GRK5: variants seen among roughly 807,000 people sequenced by gnomAD.
GRK5 encodes G protein-coupled receptor kinase 5, also known as g protein-coupled receptor kinase GRK5.
GRK5 carries 40 observed loss-of-function variants against 78.4 expected under a neutral mutation model. That is an observed-to-expected ratio of 0.51 (90% CI 0.40 to 0.66). The LOEUF (loss-of-function observed/expected upper bound fraction) is 0.66. Ranked by LOEUF, GRK5 falls within the 30% of genes least tolerant of loss-of-function variation. The pLI is 0.00. For missense variants in GRK5, 598 were observed against 759.9 expected, an observed-to-expected ratio of 0.79 and a Z score of 2.50; for synonymous variants, 289 against 296.8, an observed-to-expected ratio of 0.97 and a Z score of 0.27.
intron 1 of GRK5, among the ~76,000 whole-genome samples, chr10:119,295,614 C>G (rs1178884691): frequency 6.6e-6 from 1 of 152,050 alleles, no homozygotes; most frequent in Non-Finnish European, 1.5e-5. Flanking sequence ...TGATGGAATA[C>G]TACTCAGCCA....
chr10:119,275,481 A>C (rs907409878), intron 1 of GRK5, among the ~76,000 whole-genome samples: 1 of 152,222 alleles, frequency 6.6e-6, no homozygotes, highest in Non-Finnish European at 1.5e-5. Flanking sequence ...GAATTGATAC[A>C]GAGGAAGAAA....
At chr10:119,342,543 C>T (rs377023449) in intron 2 of GRK5, among the ~76,000 whole-genome samples, 19 of 152,272 alleles carry the variant, frequency 1.2e-4, no homozygotes, top group Non-Finnish European at 2.4e-4. Flanking sequence ...TCTGCTTTCC[C>T]GTCTTCCTCT....
In GRK5 at chr10:119,217,234, C is replaced by CAAA. The variant is rs1848589786; in HGVS notation, c.52+9265_52+9266insAAA. ...GGCAAATTGGGAATATAATTTCTGT[C>CAAA]TCAGACCGTGATTTCAGCTGAGGGC... On this transcript the variant is annotated intron_variant, in intron 1 of 15. Transcript: ENST00000392870. The surrounding 1 kb of genome is among the most constrained non-coding windows in gnomAD (Gnocchi z 4.1). 6.6e-6 allele frequency among the ~76,000 whole-genome samples: 1 copy of CAAA among 152,160 alleles called. No homozygotes were observed. The highest frequency in any genetic ancestry group is 1.5e-5 in the Non-Finnish European group (1 of 68,032).
intron 1 of GRK5, among the ~76,000 whole-genome samples, chr10:119,287,572 A>G (rs1182826992): frequency 1.3e-5 from 2 of 152,098 alleles, no homozygotes; most frequent in African/African-American, 2.4e-5. Context: ...GCCTGTTTTC[A>G]CTCTGGGCTT....
chr10:119,241,017 C>T (rs531049067), intron 1 of GRK5, among the ~76,000 whole-genome samples: 3 of 152,334 alleles, frequency 2.0e-5, no homozygotes, highest in Admixed American at 6.5e-5. Context: ...GGGCTCTCAA[C>T]CCTTTGCTGG....
intron 4 of GRK5, among the ~76,000 whole-genome samples, chr10:119,415,501 A>C (rs1461294623): frequency 6.6e-6 from 1 of 152,154 alleles, no homozygotes. Flanking sequence ...TCCTTTGGGG[A>C]CCATTGTGTC....
intron 1 of GRK5, among the ~76,000 whole-genome samples, chr10:119,295,551 C>A (rs760114022): frequency 3.3e-4 from 50 of 151,906 alleles, no homozygotes; most frequent in Non-Finnish European, 6.6e-4. Context: ...TGGAACCATC[C>A]CAAATGCCTG....
intron 1 of GRK5, among the ~76,000 whole-genome samples, chr10:119,297,106 G>A (rs980417772): frequency 6.6e-6 from 1 of 152,218 alleles, no homozygotes; most frequent in African/African-American, 2.4e-5. Context: ...CCTCCTTCGG[G>A]ACACTGCATG....
chr10:119,290,057 C>G (rs1564878430), intron 1 of GRK5, among the ~76,000 whole-genome samples: 1 of 152,134 alleles, frequency 6.6e-6, no homozygotes, highest in Non-Finnish European at 1.5e-5. Context: ...GGAAGACTAT[C>G]TGTTCCCGGC....
chr10:119,355,470 A>T (rs1227189149), intron 2 of GRK5, among the ~76,000 whole-genome samples: 1 of 152,238 alleles, frequency 6.6e-6, no homozygotes, highest in Non-Finnish European at 1.5e-5. Flanking sequence ...AAATATTAAA[A>T]GGTATAACCC....
intron 1 of GRK5, among the ~76,000 whole-genome samples, chr10:119,243,540 G>T (rs1434662773): frequency 1.3e-5 from 2 of 150,208 alleles, no homozygotes; most frequent in African/African-American, 4.9e-5. Flanking sequence ...CTGGATCCAA[G>T]GATTCAAACA....
chr10:119,341,831 C>G (rs1850986358), intron 2 of GRK5, among the ~76,000 whole-genome samples: 1 of 152,302 alleles, frequency 6.6e-6, no homozygotes, highest in Non-Finnish European at 1.5e-5. Context: ...ATTTTTCTCT[C>G]TGAGTTCTTT....
In GRK5 at chr10:119,436,666, G is replaced by A. The variant is rs1165512799; in HGVS notation, c.754G>A (p.Ala252Thr). The A allele has an allele frequency of 6.2e-7, 1 of 1,614,206 alleles. No homozygotes were observed. The highest frequency in any genetic ancestry group is 8.5e-7 in the Non-Finnish European group (1 of 1,180,038). ...GTGCTCCCAGGTCAACCTGGCCTATGCCTACGAGACCAAGGATGCACTGTG... is the reference window on the plus strand; with the variant it reads ...GTGCTCCCAGGTCAACCTGGCCTATACCTACGAGACCAAGGATGCACTGTG... ...NSQFVVNLAYAYETKDALCLV... is the reference protein window; with the variant it reads ...NSQFVVNLAYTYETKDALCLV... Residue 252 changes from alanine (A) to threonine (T), a missense_variant, in exon 9 of 16, where the codon GCC becomes ACC. By Grantham distance (58) the Ala-to-Thr change is moderately conservative. Transcript: ENST00000392870.
At chr10:119,317,235 GTCCAC>G (rs1714045682) in intron 1 of GRK5, among the ~76,000 whole-genome samples, 1 of 152,160 alleles carries the variant, frequency 6.6e-6, no homozygotes, top group Admixed American at 6.5e-5. Context: ...AGCACGGCAG[GTCCAC>G]TGCGGATCCT....
chr10:119,413,019 C>T (rs1284663998), intron 4 of GRK5, among the ~76,000 whole-genome samples: 2 of 152,122 alleles, frequency 1.3e-5, no homozygotes, highest in African/African-American at 4.8e-5. Context: ...ATGGTGAATT[C>T]GTCTGGATTC....
chr10:119,352,439 TGCCC>T (rs1851199571), intron 2 of GRK5, among the ~76,000 whole-genome samples: 1 of 152,206 alleles, frequency 6.6e-6, no homozygotes, highest in Non-Finnish European at 1.5e-5. Flanking sequence ...TTAGGGAGGC[TGCCC>T]ACTGTGTGCT....
chr10:119,382,424 A>T (rs1310152728), intron 3 of GRK5, among the ~76,000 whole-genome samples: 2 of 152,196 alleles, frequency 1.3e-5, no homozygotes, highest in African/African-American at 4.8e-5. Context: ...ACTTTTTATT[A>T]TGGAAAATTT....
At chr10:119,317,503 T>G (rs1036685930) in intron 1 of GRK5, among the ~76,000 whole-genome samples, 1 of 152,058 alleles carries the variant, frequency 6.6e-6, no homozygotes, top group African/African-American at 2.4e-5. Context: ...CCCGGACCCC[T>G]CAAGGCCGCA....
chr10:119,278,155 C>T (rs922299398), intron 1 of GRK5, among the ~76,000 whole-genome samples: 6 of 152,166 alleles, frequency 3.9e-5, no homozygotes, highest in Non-Finnish European at 4.4e-5. Flanking sequence ...GACAAGGAAT[C>T]GTTGTTTTTA....
Sources: allele counts gnomAD v4.1 joint callset (sites outside exome capture counted in the v4.1 genomes callset), GRCh38; gene constraint gnomAD v4.1.1; non-coding constraint Gnocchi (gnomAD v3.1); transcripts MANE v1.5; gene names NCBI Gene and HGNC (gene_info 2026-07-23, HGNC 2026-07-21).